ZBTB8OS: variants seen among roughly 807,000 people sequenced by gnomAD.
The protein encoded by ZBTB8OS is tRNA-splicing ligase-activating factor archease.
In ZBTB8OS, 16 loss-of-function variants were observed where a neutral mutation model predicts 29.3. That is an observed-to-expected ratio of 0.55 (90% CI 0.37 to 0.83). ZBTB8OS has a LOEUF of 0.83. Ranked by LOEUF, ZBTB8OS falls within the 40% of genes least tolerant of loss-of-function variation. The pLI, the probability that ZBTB8OS is intolerant of heterozygous loss-of-function variation, is 0.00. For missense variants in ZBTB8OS, 160 were observed against 196.9 expected, an observed-to-expected ratio of 0.81 and a Z score of 1.12; for synonymous variants, 70 against 64.6, an observed-to-expected ratio of 1.08 and a Z score of -0.40.
In ZBTB8OS at chr1:32,621,639, TG is replaced by T. The variant is rs750741181; in HGVS notation, c.*222del. On this transcript the variant is annotated 3_prime_UTR_variant, in exon 7 of 7. Coordinates refer to ENST00000468695, the MANE Select transcript of ZBTB8OS (RefSeq NM_178547.5). ...GAATCAAAGGACCATAACTGTCCCT[TG>T]GGGGGTTGAAGAATTCTTTAAAGTG... 1.0e-5 allele frequency: 5 copies of T among 495,636 alleles called. No individual in the cohort carries two copies. Among genetic ancestry groups the T allele is most frequent in the South Asian group, 9.4e-5 (4 of 42,692 alleles). The allele number at this position is 495,636 out of a possible 1,614,324, so 30.7% of individuals were successfully genotyped here. A position where few individuals can be genotyped will look rare whatever the true frequency, so the allele number is the denominator to read the frequency against.
chr1:32,644,063 G>C (rs1381137110), intron 1 of ZBTB8OS, among the ~76,000 whole-genome samples: 1 of 152,064 alleles, frequency 6.6e-6, no homozygotes, highest in South Asian at 2.1e-4. Flanking sequence ...GGAAGGGGAG[G>C]GGGGGTCTAG....
intron 5 of ZBTB8OS, among the ~76,000 whole-genome samples, chr1:32,629,853 A>C (rs960709451): frequency 6.6e-6 from 1 of 151,106 alleles, no homozygotes; most frequent in Non-Finnish European, 1.5e-5. Flanking sequence ...CCTGGGTTCA[A>C]GCGATTCTCC....
chr1:32,628,191 C>G (rs899355481), intron 5 of ZBTB8OS, among the ~76,000 whole-genome samples: 7 of 151,280 alleles, frequency 4.6e-5, no homozygotes, highest in Non-Finnish European at 1.0e-4. Flanking sequence ...AACCCTGTCT[C>G]TACTAAAAAC....
chr1:32,634,931 T>TTTGC (rs1645841459), intron 1 of ZBTB8OS, 139 bp from the exon 2 acceptor site: 2 of 722,710 alleles, frequency 2.8e-6, no homozygotes, highest in African/African-American at 3.5e-5. Context: ...ATCCACACCT[T>TTTGC]TTGCTATCTA....
At chr1:32,625,923 T>C (rs550593935) in intron 6 of ZBTB8OS, among the ~76,000 whole-genome samples, 3 of 150,984 alleles carry the variant, frequency 2.0e-5, no homozygotes, top group African/African-American at 7.3e-5. Context: ...CAGGCTGGAG[T>C]GTGCAATGGC....
chr1:32,621,681 C>G lies in ZBTB8OS; in HGVS notation c.*181G>C. 1 of 572,144 alleles carries G rather than the reference C, an allele frequency of 1.7e-6. No individual in the cohort carries two copies. The highest frequency in any genetic ancestry group is 3.0e-6 in the Non-Finnish European group (1 of 331,088). 35.4% of individuals were successfully genotyped at this position (572,144 alleles called of 1,614,324 possible). A position where few individuals can be genotyped will look rare whatever the true frequency, so the allele number is the denominator to read the frequency against. On this transcript the variant is annotated 3_prime_UTR_variant, in exon 7 of 7. Transcript: ENST00000468695. ...CTTTAAAGTGTGAATATTTGGGGAACACAGACCAAGGCTGTGCCCTGATTT... is the reference window on the plus strand; with the variant it reads ...CTTTAAAGTGTGAATATTTGGGGAAGACAGACCAAGGCTGTGCCCTGATTT...
chr1:32,645,440 TG>T (rs1290251617), intron 1 of ZBTB8OS, among the ~76,000 whole-genome samples: 11 of 152,086 alleles, frequency 7.2e-5, no homozygotes, highest in Non-Finnish European at 1.5e-4. Flanking sequence ...AGCTCAAGCT[TG>T]CAGTGAGCCA....
intron 1 of ZBTB8OS, among the ~76,000 whole-genome samples, chr1:32,641,232 G>A (rs1484484075): frequency 1.3e-5 from 2 of 149,946 alleles, no homozygotes; most frequent in East Asian, 3.9e-4. Flanking sequence ...CATGAAAAAC[G>A]GACCTAGTTC....
chr1:32,648,218 G>A (rs960755251), intron 1 of ZBTB8OS, among the ~76,000 whole-genome samples: 4 of 152,222 alleles, frequency 2.6e-5, no homozygotes. Flanking sequence ...ACAATTAGTA[G>A]AAGTGGGAGG....
chr1:32,642,005 ATTT>A (rs560844409), intron 1 of ZBTB8OS, among the ~76,000 whole-genome samples: 1 of 151,634 alleles, frequency 6.6e-6, no homozygotes, highest in Non-Finnish European at 1.5e-5. Context: ...CTAAACTCTG[ATTT>A]TTTTTTATCT....
chr1:32,631,914 G>T (rs1052725061), intron 4 of ZBTB8OS, 35 bp from the exon 5 acceptor site: 44 of 1,051,316 alleles, frequency 4.2e-5, no homozygotes, highest in Non-Finnish European at 5.5e-5. Flanking sequence ...ATTAAAAAAA[G>T]TTCATAATAG....
Position 32,644,763 on chromosome 1 carries a change from T to A in ZBTB8OS, c.97+5670A>T, listed in dbSNP as rs1313347586. 2.0e-5 allele frequency among the ~76,000 whole-genome samples: 3 copies of A among 148,112 alleles called. No homozygotes were observed. The East Asian group carries it at 6.0e-4, about 30-fold the overall frequency. On this transcript the variant is annotated intron_variant, in intron 1 of 6. Transcript: ENST00000468695. ...TTTCACTGTGTTGCCCAGACTAATC[T>A]GGAAATCCTGGGTTCAAGAAATCCT...
At chr1:32,646,268 A>C (rs1290742681) in intron 1 of ZBTB8OS, among the ~76,000 whole-genome samples, 1 of 149,390 alleles carries the variant, frequency 6.7e-6, no homozygotes, top group East Asian at 1.9e-4. Flanking sequence ...GTAGTGAGTC[A>C]AAGTCGCACC....
In ZBTB8OS at chr1:32,621,433, C is replaced by T. The variant is rs1038301121; in HGVS notation, c.*429G>A. ...AAAAAAAAAGAAACAAAATATATGT[C>T]TTAACCAACTTGGAAGAAAAACAAA... On this transcript the variant is annotated 3_prime_UTR_variant, in exon 7 of 7. Coordinates refer to ENST00000468695, the MANE Select transcript of ZBTB8OS (RefSeq NM_178547.5). The T allele has an allele frequency of 6.5e-6, 1 of 154,506 alleles. No homozygotes were observed. The highest frequency in any genetic ancestry group is 1.4e-5 in the Non-Finnish European group (1 of 70,470). The allele number at this position is 154,506 out of a possible 1,614,324, so 9.6% of individuals were successfully genotyped here.
At chr1:32,650,308 G>C in intron 1 of ZBTB8OS, 125 bp downstream of exon 1, 1 of 1,308,060 alleles carries the variant, frequency 7.6e-7, no homozygotes, top group Non-Finnish European at 1.1e-6. Flanking sequence ...ACAACAGCCG[G>C]CACAAATGGG....
intron 1 of ZBTB8OS, among the ~76,000 whole-genome samples, chr1:32,638,460 G>A (rs1646158743): frequency 6.6e-6 from 1 of 151,868 alleles, no homozygotes. Context: ...CAAAAGCTGG[G>A]ATTACAGGCG....
intron 2 of ZBTB8OS, 152 bp from the exon 3 acceptor site, chr1:32,634,224 T>G (rs1397894091): frequency 1.8e-6 from 1 of 548,818 alleles, no homozygotes; most frequent in Non-Finnish European, 2.9e-6. Context: ...CTTTTCTTTT[T>G]ATTATTTATT....
chr1:32,634,284 T>C (rs1645792061), intron 2 of ZBTB8OS: 6 of 366,166 alleles, frequency 1.6e-5, no homozygotes, highest in Non-Finnish European at 2.9e-5. Context: ...TGGAGTGCAG[T>C]AGTGCGATCT....
intron 1 of ZBTB8OS, among the ~76,000 whole-genome samples, chr1:32,639,336 A>G (rs1486455613): frequency 6.6e-6 from 1 of 151,666 alleles, no homozygotes; most frequent in Non-Finnish European, 1.5e-5. Flanking sequence ...GAGTTTCCCT[A>G]TGTTGCCCAG....
Sources: allele counts gnomAD v4.1 joint callset (sites outside exome capture counted in the v4.1 genomes callset), GRCh38; gene constraint gnomAD v4.1.1; transcripts MANE v1.5; gene names NCBI Gene and HGNC (gene_info 2026-07-23, HGNC 2026-07-21).